The following RTL4 variants were observed in gnomAD, a reference collection of about 807,000 sequenced individuals.
The protein encoded by RTL4 is retrotransposon Gag-like protein 4.
In RTL4, 4 loss-of-function variants were observed where a neutral mutation model predicts 5.3. That is an observed-to-expected ratio of 0.75 (90% confidence interval 0.37 to 1.72). The LOEUF (loss-of-function observed/expected upper bound fraction) is 1.72, where lower values mean the gene tolerates loss of function less well. Among genes scored for constraint, RTL4 ranks in the 40% most tolerant of loss-of-function variants. The pLI is 0.04. For synonymous variants in RTL4, 98 were observed against 87.3 expected (o/e 1.12, Z -0.68); for missense variants, 260 against 227.1 (o/e 1.14, Z -0.93).
At chrX:112,168,189 G>A in the RTL4 span, among the ~76,000 whole-genome samples, 1 of 111,411 alleles carries the variant, frequency 9.0e-6, no homozygotes, top group Non-Finnish European at 1.9e-5. Flanking sequence ...CTAATTCTGG[G>A]TGGACTCTGC....
chrX:112,218,563 C>G, the RTL4 span, among the ~76,000 whole-genome samples: 13 of 112,008 alleles, frequency 1.2e-4, no homozygotes, highest in Non-Finnish European at 2.1e-4. Context: ...GTAATTTAAG[C>G]CAGTTCTCAG....
chrX:112,291,384 AC>A, the RTL4 span, among the ~76,000 whole-genome samples: 9 of 107,945 alleles, frequency 8.3e-5, no homozygotes, highest in Admixed American at 2.0e-4. Context: ...ACACACACAC[AC>A]ACACACACAC....
At chrX:112,310,815 ATATATATT>A in the RTL4 span, among the ~76,000 whole-genome samples, 23 of 85,940 alleles carry the variant, frequency 2.7e-4, no homozygotes, top group Admixed American at 5.1e-4. Flanking sequence ...ATTATATATT[ATATATATT>A]AATACATTAT....
At chrX:112,161,765 C>T in the RTL4 span, among the ~76,000 whole-genome samples, 1 of 110,070 alleles carries the variant, frequency 9.1e-6, no homozygotes, top group Non-Finnish European at 1.9e-5. Flanking sequence ...CTCTATTAGG[C>T]CTTGGGCTTG....
chrX:112,135,225 C>T, the RTL4 span, among the ~76,000 whole-genome samples: 61 of 111,936 alleles, frequency 5.4e-4, no homozygotes, highest in African/African-American at 1.8e-3. Context: ...GTAAGGTCAA[C>T]CTTTTTAATT....
exon 1 of RTL4, chrX:112,454,885 C>T: frequency 8.3e-7 from 1 of 1,211,024 alleles, no homozygotes; most frequent in South Asian, 1.8e-5. Flanking sequence ...CACAGTGATG[C>T]CTGTACCATA....
the RTL4 span, among the ~76,000 whole-genome samples, chrX:112,173,698 G>A: frequency 9.1e-6 from 1 of 110,045 alleles, no homozygotes; most frequent in Non-Finnish European, 1.9e-5. Flanking sequence ...CTCTGGAGTT[G>A]GAAGGATGCC....
At chrX:112,162,051 A>G in the RTL4 span, among the ~76,000 whole-genome samples, 14 of 110,130 alleles carry the variant, frequency 1.3e-4, no homozygotes, top group African/African-American at 4.3e-4. Context: ...GAAATAACTT[A>G]TATTTCTTCC....
At chrX:112,353,811 T>C in the RTL4 span, among the ~76,000 whole-genome samples, 1 of 110,871 alleles carries the variant, frequency 9.0e-6, no homozygotes, top group African/African-American at 3.3e-5. Context: ...TATGCACATG[T>C]ATCCTAGAAC....
the RTL4 span, among the ~76,000 whole-genome samples, chrX:112,157,181 A>C: frequency 9.1e-6 from 1 of 110,208 alleles, no homozygotes; most frequent in Non-Finnish European, 1.9e-5. Context: ...TTTTCACCAA[A>C]TATTTAGAAA....
chrX:112,249,336 C>T, the RTL4 span, among the ~76,000 whole-genome samples: 2 of 111,501 alleles, frequency 1.8e-5, no homozygotes, highest in Non-Finnish European at 3.8e-5. Context: ...TCTGACCATT[C>T]ATCTGGATCA....
At chrX:112,283,556 GAAT>G in the RTL4 span, among the ~76,000 whole-genome samples, 1 of 111,381 alleles carries the variant, frequency 9.0e-6, no homozygotes, top group South Asian at 3.8e-4. Context: ...GAGGCTTATT[GAAT>G]AGATAAGAAT....
At chrX:112,446,040 G>A in the RTL4 span, among the ~76,000 whole-genome samples, 1 of 111,375 alleles carries the variant, frequency 9.0e-6, no homozygotes, top group Non-Finnish European at 1.9e-5. Flanking sequence ...TGCAGCAGCT[G>A]CTGCTATTTG....
chrX:112,328,156 A>G, the RTL4 span, among the ~76,000 whole-genome samples: 1 of 109,923 alleles, frequency 9.1e-6, no homozygotes, highest in African/African-American at 3.3e-5. Flanking sequence ...ACACATAACA[A>G]TATTAATTTT....
chrX:112,138,012 A>G, the RTL4 span, among the ~76,000 whole-genome samples: 1 of 112,333 alleles, frequency 8.9e-6, no homozygotes, highest in South Asian at 3.7e-4. Context: ...CCACTGACAG[A>G]TGGATTTAAA....
chrX:112,310,397 T>TGTA, the RTL4 span, among the ~76,000 whole-genome samples: 6 of 45,491 alleles, frequency 1.3e-4, no homozygotes, highest in African/African-American at 2.6e-4. Context: ...TATATATATA[T>TGTA]ATATATATAT....
At chrX:112,397,009 C>G in the RTL4 span, among the ~76,000 whole-genome samples, 1 of 111,850 alleles carries the variant, frequency 8.9e-6, no homozygotes, top group African/African-American at 3.3e-5. Context: ...TTACAATCAC[C>G]TAGACAAAAC....
the RTL4 span, among the ~76,000 whole-genome samples, chrX:112,204,522 T>C: frequency 9.0e-6 from 1 of 111,710 alleles, no homozygotes; most frequent in Non-Finnish European, 1.9e-5. Flanking sequence ...TCTAACAACA[T>C]AGATGGAAAT....
chrX:112,115,712 G>A, the RTL4 span, among the ~76,000 whole-genome samples: 3 of 111,740 alleles, frequency 2.7e-5, no homozygotes, highest in African/African-American at 9.8e-5. Context: ...CTAAGGAAGG[G>A]AACAGAGTTC....
Sources: gnomAD v4.1 joint callset for allele counts (sites outside exome capture counted in the v4.1 genomes callset) on GRCh38, gnomAD v4.1.1 for gene constraint, MANE v1.5 for transcripts, NCBI Gene and HGNC (gene_info 2026-07-23, HGNC 2026-07-21) for gene names.